VWCE: variants seen among roughly 807,000 people sequenced by gnomAD.
VWCE encodes the protein von Willebrand factor C and EGF domain-containing protein.
In VWCE, 68 loss-of-function variants were observed where a neutral mutation model predicts 102.9. That is an observed-to-expected ratio of 0.66 (90% CI 0.54 to 0.81). VWCE has a LOEUF of 0.81. Ranked by LOEUF, VWCE falls within the 30% of genes least tolerant of loss-of-function variation. The pLI is 0.00. For missense variants in VWCE, 1,137 were observed against 1,263.6 expected (o/e 0.90, Z 1.52); for synonymous variants, 497 against 515.4 (o/e 0.96, Z 0.48).
intron 4 of VWCE, among the ~76,000 whole-genome samples, chr11:61,288,081 A>G (rs1855389663): frequency 6.8e-6 from 1 of 147,988 alleles, no homozygotes; most frequent in African/African-American, 2.6e-5. Context: ...TCGCTGAACC[A>G]GGAAGTCAGA....
rs753714493 is a variant in VWCE, at chr11:61,276,621, TG to T, written c.1466del (p.Pro489HisfsTer11). 20 of 1,592,564 alleles carry T rather than the reference TG, an allele frequency of 1.3e-5. No individual in the cohort carries two copies. The highest frequency in any genetic ancestry group is 2.3e-5 in the South Asian group (2 of 88,838). On this transcript the variant is annotated frameshift_variant, in exon 11 of 20. Coordinates refer to ENST00000335613, the MANE Select transcript of VWCE (RefSeq NM_152718.2). LOFTEE classifies it high-confidence loss of function. ...GAACACAAGTACAGCAATCCGTCTG[TG>T]GGGGGGTCTGACAGGGGCCAGAAGG... ...ECPSGPCQTP[P>X]QTDCCTCVPV... is the part of the protein sequence containing the mutation.
intron 1 of VWCE, among the ~76,000 whole-genome samples, chr11:61,292,745 G>C (rs12270373): frequency 6.6e-6 from 1 of 152,110 alleles, no homozygotes; most frequent in Non-Finnish European, 1.5e-5. Context: ...CAGACCAGGA[G>C]CTAGGTGATA....
intron 10 of VWCE, among the ~76,000 whole-genome samples, chr11:61,278,173 G>C (rs1002481969): frequency 1.3e-5 from 2 of 152,152 alleles, no homozygotes; most frequent in Non-Finnish European, 2.9e-5. Flanking sequence ...CCTGCTGGCT[G>C]TCTGCTGCGG....
intron 4 of VWCE, among the ~76,000 whole-genome samples, chr11:61,288,155 C>CAAAAAAA (rs397978316): frequency 2.7e-5 from 1 of 37,260 alleles, no homozygotes; most frequent in African/African-American, 9.1e-5. Context: ...GACTCTGTCT[C>CAAAAAAA]AAAAAAAAAA....
chr11:61,287,542 GACTA>G (rs5792222), intron 4 of VWCE, among the ~76,000 whole-genome samples: 25,457 of 152,006 alleles, frequency 0.17, 6,401 homozygotes, highest in African/African-American at 0.55. Context: ...ACGCAAATGT[GACTA>G]ACTAAGACAC....
intron 16 of VWCE, among the ~76,000 whole-genome samples, chr11:61,266,762 G>A (rs1197100716): frequency 6.6e-6 from 1 of 152,182 alleles, no homozygotes; most frequent in East Asian, 1.9e-4. Flanking sequence ...AGAATGAGAT[G>A]ATAAACTCTT....
rs1296416006 is a variant in VWCE at position 61,281,720 on chromosome 11, G to C, written c.787+66C>G. 9 of 1,536,590 alleles carry C rather than the reference G, an allele frequency of 5.9e-6. No homozygotes were observed. The East Asian group carries it at 1.2e-4, about 20-fold the overall frequency. ...ACGGGGAGGGGCCAGGCTATGGGGG[G>C]GCGTAGCTGGGGCAGGCACTGAGGG... On this transcript the variant is annotated intron_variant, in intron 7 of 19. Transcript: ENST00000335613.
At chr11:61,283,530 G>C (rs1855213348) in intron 5 of VWCE, among the ~76,000 whole-genome samples, 2 of 152,164 alleles carry the variant, frequency 1.3e-5, no homozygotes, top group South Asian at 4.1e-4. Flanking sequence ...TCCTGCCTCA[G>C]CCTCCCAAGT....
intron 13 of VWCE, 25 bp downstream of exon 13, chr11:61,273,174 T>C (rs1432843638): frequency 6.2e-7 from 1 of 1,609,028 alleles, no homozygotes; most frequent in Non-Finnish European, 8.5e-7. Context: ...ATGCCCTGTG[T>C]CGGGGCAGCC....
chr11:61,286,758 G>A (rs367746285), intron 4 of VWCE, among the ~76,000 whole-genome samples: 4 of 150,532 alleles, frequency 2.7e-5, no homozygotes, highest in East Asian at 3.9e-4. Context: ...CCGAGATTGC[G>A]CCATTGCACT....
chr11:61,294,992 G>A lies in VWCE; in HGVS notation c.46C>T (p.Leu16=), dbSNP rs1221877668. The A allele has an allele frequency of 2.0e-6, 3 of 1,474,046 alleles. No individual in the cohort carries two copies. Among genetic ancestry groups the A allele is most frequent in the Non-Finnish European group, 2.7e-6 (3 of 1,114,162 alleles). 91.3% of individuals were successfully genotyped at this position (1,474,046 alleles called of 1,614,324 possible). A position where few individuals can be genotyped will look rare whatever the true frequency, so the allele number is the denominator to read the frequency against. ...TAGCCTCGGGCTGGTGCCCCCGGCA[G>A]CAGGAGCGCGACACAGGCGGCCCGA... The part of the protein sequence containing the change: ...LLRAACVALL[L]PGAPARGYTG... The change falls in exon 1 of 20, where the codon CTG becomes TTG. Residue 16 remains leucine (L), a synonymous_variant. Transcript: ENST00000335613. The surrounding 1 kb of genome is among the most constrained non-coding windows in gnomAD (Gnocchi z 6.3).
intron 3 of VWCE, 67 bp from the exon 4 acceptor site, chr11:61,290,994 G>A: frequency 6.4e-7 from 1 of 1,564,982 alleles, no homozygotes; most frequent in Non-Finnish European, 8.7e-7. Flanking sequence ...ACTTCACCAG[G>A]GTCCTCCTGA....
chr11:61,287,852 A>G (rs1855382160), intron 4 of VWCE, among the ~76,000 whole-genome samples: 1 of 152,062 alleles, frequency 6.6e-6, no homozygotes, highest in South Asian at 2.1e-4. Flanking sequence ...AGGACTGAAG[A>G]TATGGATTAA....
At chr11:61,275,969 A>C (rs760520968) in intron 11 of VWCE, among the ~76,000 whole-genome samples, 4 of 152,240 alleles carry the variant, frequency 2.6e-5, no homozygotes, top group Admixed American at 6.5e-5. Flanking sequence ...ACTGCTGTGC[A>C]CATAAGTGCA....
intron 9 of VWCE, among the ~76,000 whole-genome samples, chr11:61,279,792 C>T (rs1223270047): frequency 1.3e-5 from 2 of 152,146 alleles, no homozygotes; most frequent in Non-Finnish European, 2.9e-5. Flanking sequence ...GTGGCACAAA[C>T]ATGGCTCACT....
rs996006327 is a variant in VWCE at position 61,265,103 on chromosome 11, G to T, written c.2056+19C>A. ...GCCTGGCCGGGAACCTGGCACGTGG[G>T]GCAGCTGGTCCCACTCACCTCGGCA... On this transcript the variant is annotated intron_variant, in intron 17 of 19. Transcript: ENST00000335613. The T allele has an allele frequency of 1.9e-6, 3 of 1,612,890 alleles. No individual in the cohort carries two copies. In the African/African-American group the frequency reaches 4.0e-5, roughly 22 times the overall value.
intron 10 of VWCE, among the ~76,000 whole-genome samples, chr11:61,277,887 G>A (rs1229138091): frequency 6.6e-6 from 1 of 152,072 alleles, no homozygotes; most frequent in Non-Finnish European, 1.5e-5. Flanking sequence ...CGCCCAGGCT[G>A]GAGAGCAGTG....
At chr11:61,262,403 C>G (rs1425746419) in intron 19 of VWCE, among the ~76,000 whole-genome samples, 1 of 152,182 alleles carries the variant, frequency 6.6e-6, no homozygotes, top group Non-Finnish European at 1.5e-5. Context: ...ATTTCCCCAC[C>G]TGCAAAATGG....
At chr11:61,260,400 A>G (rs747673646) in intron 19 of VWCE, among the ~76,000 whole-genome samples, 6 of 151,966 alleles carry the variant, frequency 3.9e-5, no homozygotes, top group African/African-American at 4.8e-5. Flanking sequence ...CGGCTGTCCT[A>G]CTTGCTGGGG....
Sources: allele counts gnomAD v4.1 joint callset (sites outside exome capture counted in the v4.1 genomes callset), GRCh38; gene constraint gnomAD v4.1.1; non-coding constraint Gnocchi (gnomAD v3.1); transcripts MANE v1.5; gene names NCBI Gene and HGNC (gene_info 2026-07-23, HGNC 2026-07-21).